The following MTAP variants were observed in gnomAD, a reference collection of about 807,000 sequenced individuals.
MTAP encodes the protein S-methyl-5'-thioadenosine phosphorylase.
A neutral mutation model predicts 33.6 loss-of-function variants in MTAP; 33 were observed. The observed-to-expected ratio is 0.98, with a 90% CI of 0.74 to 1.31. The LOEUF (loss-of-function observed/expected upper bound fraction) is 1.31, where lower values mean the gene tolerates loss of function less well. Ranked by LOEUF, MTAP falls within the 40% of genes most tolerant of loss-of-function variation. The pLI, the probability that MTAP is intolerant of heterozygous loss-of-function variation, is 0.00. For synonymous variants in MTAP, 148 were observed against 125.7 expected, an observed-to-expected ratio of 1.18 and a Z score of -1.19; for missense variants, 367 against 360.0, an observed-to-expected ratio of 1.02 and a Z score of -0.16.
At chr9:21,810,405 G>A (rs549505574) in intron 1 of MTAP, among the ~76,000 whole-genome samples, 2 of 147,998 alleles carry the variant, frequency 1.4e-5, no homozygotes, top group Non-Finnish European at 2.9e-5. Context: ...AAAGGGAGAC[G>A]AGGGAGATAG....
At chr9:21,832,521 T>G (rs1390891361) in intron 4 of MTAP, among the ~76,000 whole-genome samples, 1 of 152,232 alleles carries the variant, frequency 6.6e-6, no homozygotes, top group African/African-American at 2.4e-5. Flanking sequence ...TCCACCTTTA[T>G]AGAGAAGACA....
rs868410383 is a variant in MTAP at position 21,809,600 on chromosome 9, C to G, written c.34-5833C>G. Among the ~76,000 whole-genome samples, 26 of 150,924 alleles carry G rather than the reference C, an allele frequency of 1.7e-4. 1 individual carries two copies. The highest frequency in any genetic ancestry group is 6.3e-4 in the South Asian group (3 of 4,786). On this transcript the variant is annotated intron_variant, in intron 1 of 7. Transcript: ENST00000644715. ...CTTGCAGTGAGCCGAGATCGCACCACTGCACTCCAGCCTGGGCGACAGAGT... is the reference window on the plus strand; with the variant it reads ...CTTGCAGTGAGCCGAGATCGCACCAGTGCACTCCAGCCTGGGCGACAGAGT...
chr9:21,935,615 A>T (rs1427233800), downstream of MTAP: 1 of 152,076 alleles, frequency 6.6e-6, no homozygotes, highest in Non-Finnish European at 1.5e-5. Context: ...AATTTTGCAT[A>T]CTTTATATAG....
At chr9:21,911,563 A>G (rs201889575) in intron 1 of MTAP, among the ~76,000 whole-genome samples, 1 of 152,096 alleles carries the variant, frequency 6.6e-6, no homozygotes, top group Non-Finnish European at 1.5e-5. Flanking sequence ...CAGAAATAAA[A>G]ATGTTCTTTG....
At chr9:21,821,593 G>C (rs533673383) in intron 4 of MTAP, among the ~76,000 whole-genome samples, 1 of 151,016 alleles carries the variant, frequency 6.6e-6, no homozygotes, top group Admixed American at 6.6e-5. Context: ...TGTCTTTTTT[G>C]GTTGTGTCTC....
chr9:21,851,109 T>C (rs987753042), intron 5 of MTAP, among the ~76,000 whole-genome samples: 3 of 152,148 alleles, frequency 2.0e-5, no homozygotes, highest in Admixed American at 6.5e-5. Context: ...ATTAAGGTCA[T>C]TGGGAAACTA....
intron 5 of MTAP, 33 bp from the exon 6 acceptor site, chr9:21,854,588 CATGTGCTAGT>C (rs1358785389): frequency 6.6e-7 from 1 of 1,505,734 alleles, no homozygotes; most frequent in East Asian, 2.3e-5. Context: ...TTAAGTTGTG[CATGTGCTAGT>C]ATGTTTTGAA....
intron 1 of MTAP, among the ~76,000 whole-genome samples, chr9:21,809,429 G>A (rs1029820017): frequency 2.0e-5 from 3 of 151,628 alleles, no homozygotes; most frequent in East Asian, 1.9e-4. Flanking sequence ...CACAAGATCC[G>A]AAGATTGAGA....
At chr9:21,811,139 C>G (rs569052276) in intron 1 of MTAP, among the ~76,000 whole-genome samples, 1 of 152,336 alleles carries the variant, frequency 6.6e-6, no homozygotes, top group Admixed American at 6.5e-5. Context: ...GGCAGCCCAT[C>G]TCCCTGGCAT....
Position 21,864,886 on chromosome 9 carries a change from C to T in MTAP, c.*2872C>T. 1 of 985,494 alleles carries T rather than the reference C, an allele frequency of 1.0e-6. No individual in the cohort carries two copies. The highest frequency in any genetic ancestry group is 1.2e-6 in the Non-Finnish European group (1 of 829,952). The allele number at this position is 985,494 out of a possible 1,614,324, so 61.0% of individuals were successfully genotyped here. ...ACCTCAGGGCATGGTTGTGGCCCCA[C>T]CAACACCTATTTTCCAAATAATTAT... On this transcript the variant is annotated 3_prime_UTR_variant, in exon 8 of 8. Coordinates refer to ENST00000644715, the MANE Select transcript of MTAP (RefSeq NM_002451.4).
At chr9:21,881,405 C>A (rs1195849361) in intron 1 of MTAP, among the ~76,000 whole-genome samples, 2 of 151,958 alleles carry the variant, frequency 1.3e-5, no homozygotes, top group African/African-American at 2.4e-5. Flanking sequence ...CCAAAATAGA[C>A]AAATGGAACT....
rs115230588 is a variant in MTAP at position 21,849,008 on chromosome 9, T to C, written c.451-5623T>C. Among the ~76,000 whole-genome samples the C allele has an allele frequency of 5.1e-3, 772 of 152,296 alleles. 3 individuals are homozygous for C. Among genetic ancestry groups the C allele is most frequent in the African/African-American group, 0.018 (730 of 41,564 alleles). ...ACAGCATTCCTAGAAGTAAAATTCA[T>C]AGGAGGCCTACTGCATTCCTACTTA... On this transcript the variant is annotated intron_variant, in intron 5 of 7. Coordinates refer to ENST00000644715, the MANE Select transcript of MTAP (RefSeq NM_002451.4).
intron 1 of MTAP, among the ~76,000 whole-genome samples, chr9:21,876,587 G>T (rs1279203031): frequency 6.6e-6 from 1 of 152,144 alleles, no homozygotes; most frequent in Non-Finnish European, 1.5e-5. Context: ...CTATGCATAT[G>T]ACTAACCAGT....
At chr9:21,931,997 C>T (rs1453637279), downstream of MTAP, 1 of 152,046 alleles carries the variant, frequency 6.6e-6, no homozygotes, top group Non-Finnish European at 1.5e-5. Flanking sequence ...TGCCACTGCT[C>T]TCCAGCCTGG....
chr9:21,870,044 G>A (rs913980649), downstream of MTAP, among the ~76,000 whole-genome samples: 3 of 152,088 alleles, frequency 2.0e-5, no homozygotes, highest in African/African-American at 7.2e-5. Flanking sequence ...TAACATTAGA[G>A]TATTTGGTTT....
At chr9:21,897,060 G>A (rs1284704108) in intron 1 of MTAP, among the ~76,000 whole-genome samples, 2 of 152,208 alleles carry the variant, frequency 1.3e-5, no homozygotes, top group African/African-American at 2.4e-5. Flanking sequence ...TCCCTGGGAT[G>A]CAAGGCTGGT....
intron 4 of MTAP, among the ~76,000 whole-genome samples, chr9:21,826,232 G>A (rs188609179): frequency 4.8e-5 from 7 of 146,180 alleles, no homozygotes; most frequent in Non-Finnish European, 7.5e-5. Flanking sequence ...TATTTCCTTA[G>A]TATTAGATAT....
At chr9:21,910,474 G>A (rs193235127) in intron 1 of MTAP, among the ~76,000 whole-genome samples, 37 of 152,246 alleles carry the variant, frequency 2.4e-4, no homozygotes, top group Admixed American at 2.1e-3. Flanking sequence ...ATTTGTCTTT[G>A]AGGAAGATTC....
chr9:21,884,877 C>G (rs1045670182), intron 1 of MTAP, among the ~76,000 whole-genome samples: 1 of 152,050 alleles, frequency 6.6e-6, no homozygotes, highest in African/African-American at 2.4e-5. Flanking sequence ...CTAGGCAAAA[C>G]TAAACTATAT....
Sources: gnomAD v4.1 joint callset for allele counts (sites outside exome capture counted in the v4.1 genomes callset) on GRCh38, gnomAD v4.1.1 for gene constraint, MANE v1.5 for transcripts, NCBI Gene and HGNC (gene_info 2026-07-23, HGNC 2026-07-21) for gene names.